The following SLC2A1 variants were observed in gnomAD, a reference collection of about 807,000 sequenced individuals.
The protein encoded by SLC2A1 is solute carrier family 2, facilitated glucose transporter member 1.
In SLC2A1, 4 loss-of-function variants were observed where a neutral mutation model predicts 46.6. That is an observed-to-expected ratio of 0.09 (90% CI 0.04 to 0.20). The LOEUF (loss-of-function observed/expected upper bound fraction) is 0.20. Among genes scored for constraint, SLC2A1 ranks in the 10% least tolerant of loss-of-function variants. SLC2A1 has a pLI of 1.00. For missense variants in SLC2A1, 352 were observed against 667.0 expected (o/e 0.53, Z 5.20); for synonymous variants, 253 against 270.0 (o/e 0.94, Z 0.62).
At position 42,929,488 on chromosome 1, in the gene SLC2A1, T is replaced by C; in HGVS notation, c.867+105A>G. 1 of 1,266,004 alleles carries C rather than the reference T, an allele frequency of 7.9e-7. No individual in the cohort carries two copies. Among genetic ancestry groups the C allele is most frequent in the Non-Finnish European group, 1.1e-6 (1 of 870,898 alleles). 78.4% of individuals were successfully genotyped at this position (1,266,004 alleles called of 1,614,324 possible). Reference sequence around the variant, plus strand: ...GGCTTGGGGTCTAAAGGGAAACTTCTTCGGCAGAGGCGTATCTGTTGTTTC... The same window carrying C: ...GGCTTGGGGTCTAAAGGGAAACTTCCTCGGCAGAGGCGTATCTGTTGTTTC... On this transcript the variant is annotated intron_variant, in intron 6 of 9. Coordinates refer to ENST00000426263, the MANE Select transcript of SLC2A1 (RefSeq NM_006516.4). The surrounding 1 kb of genome is among the most constrained non-coding windows in gnomAD (Gnocchi z 6.0).
chr1:42,948,651 G>C (rs1643683378), intron 1 of SLC2A1, among the ~76,000 whole-genome samples: 1 of 152,212 alleles, frequency 6.6e-6, no homozygotes, highest in African/African-American at 2.4e-5. Context: ...CCTCAAGGCT[G>C]GGCGCGGTGG....
rs1643428058 is a variant in SLC2A1 at position 42,926,537 on chromosome 1, T to C, written c.*504A>G. 5 of 336,628 alleles carry C rather than the reference T, an allele frequency of 1.5e-5. No homozygotes were observed. Among genetic ancestry groups the C allele is most frequent in the South Asian group, 1.4e-4 (5 of 35,686 alleles). 20.9% of individuals were successfully genotyped at this position (336,628 alleles called of 1,614,324 possible). ...AGAGATGGGAAGGGGCAAATCCTAATGGAGCCTGACCCCTAGAGTGGGGAG... is the reference window on the plus strand; with the variant it reads ...AGAGATGGGAAGGGGCAAATCCTAACGGAGCCTGACCCCTAGAGTGGGGAG... On this transcript the variant is annotated 3_prime_UTR_variant, in exon 10 of 10. Coordinates refer to ENST00000426263, the MANE Select transcript of SLC2A1 (RefSeq NM_006516.4).
chr1:42,958,848 TG>T lies in SLC2A1; in HGVS notation c.-198del. 1 of 572,144 alleles carries T rather than the reference TG, an allele frequency of 1.7e-6. No homozygotes were observed. The highest frequency in any genetic ancestry group is 3.2e-5 in the East Asian group (1 of 30,834). The allele number at this position is 572,144 out of a possible 1,614,324, so 35.4% of individuals were successfully genotyped here. ...CGCGACTAGCGACCGGCACGCTCGC[TG>T]TTGCTACCTCTTGCCTCTTGCCAGA... On this transcript the variant is annotated 5_prime_UTR_variant, in exon 1 of 10. Transcript: ENST00000426263.
Position 42,929,869 on chromosome 1 carries a change from G to A in SLC2A1, c.679+4C>T, listed in dbSNP as rs139492241. On this transcript the variant is annotated splice_donor_region_variant and intron_variant, in intron 5 of 9. Transcript: ENST00000426263. This position sits in a 1 kb window ranked among gnomAD's most constrained non-coding sequence, Gnocchi z 6.0. ...TGGGGAGGAGGGCAGGGCCATGCCC[G>A]TACCACTCTTGGCCCGGTTCTCCTC... 242 of 1,614,152 alleles carry A rather than the reference G, an allele frequency of 1.5e-4. 1 individual carries two copies. The African/African-American group carries it at 2.1e-3, about 14-fold the overall frequency.
intron 1 of SLC2A1, chr1:42,951,958 A>C (rs1643725908): frequency 5.0e-6 from 2 of 403,868 alleles, no homozygotes; most frequent in Non-Finnish European, 8.7e-6. Context: ...TTACACTGGA[A>C]TTCATCCTTA....
Position 42,927,454 on chromosome 1 carries a change from T to A in SLC2A1, c.1278+151A>T. On this transcript the variant is annotated intron_variant, in intron 9 of 9. Coordinates refer to ENST00000426263, the MANE Select transcript of SLC2A1 (RefSeq NM_006516.4). This position sits in a 1 kb window ranked among gnomAD's most constrained non-coding sequence, Gnocchi z 5.3. ...CAAGGCTAAGGGGAGAACCCTGGAGTTGAGGTCAGCATTCTTGGTCATGTG... is the reference window on the plus strand; with the variant it reads ...CAAGGCTAAGGGGAGAACCCTGGAGATGAGGTCAGCATTCTTGGTCATGTG... 1 of 856,800 alleles carries A rather than the reference T, an allele frequency of 1.2e-6. No homozygotes were observed. The highest frequency in any genetic ancestry group is 1.9e-6 in the Non-Finnish European group (1 of 519,882). The allele number at this position is 856,800 out of a possible 1,614,324, so 53.1% of individuals were successfully genotyped here. A position where few individuals can be genotyped will look rare whatever the true frequency, so the allele number is the denominator to read the frequency against.
intron 1 of SLC2A1, among the ~76,000 whole-genome samples, chr1:42,955,309 A>G (rs572231762): frequency 6.6e-6 from 1 of 152,314 alleles, no homozygotes; most frequent in South Asian, 2.1e-4. Context: ...AAAACCACAT[A>G]TGCAAACATC....
chr1:42,941,097 A>ACGGCAACTTTCTTGATGGTTT (rs1167145299), intron 2 of SLC2A1, among the ~76,000 whole-genome samples: 11 of 152,180 alleles, frequency 7.2e-5, no homozygotes, highest in Non-Finnish European at 1.5e-4. Context: ...CACTAGTCCA[A>ACGGCAACTTTCTTGATGGTTT]CGGCAACTTT....
At chr1:42,956,641 G>A (rs531946292) in intron 1 of SLC2A1, among the ~76,000 whole-genome samples, 7 of 152,122 alleles carry the variant, frequency 4.6e-5, no homozygotes, top group South Asian at 2.1e-4. Flanking sequence ...CACTGTGAAA[G>A]AGGTGTTCCA....
chr1:42,928,057 C>T (rs191315806), intron 8 of SLC2A1, among the ~76,000 whole-genome samples: 52 of 152,290 alleles, frequency 3.4e-4, no homozygotes, highest in Admixed American at 9.2e-4. Context: ...TGCATGTGGA[C>T]GGTGCTAAGA....
In SLC2A1 at chr1:42,954,666, C is replaced by G. The variant is rs1373336249; in HGVS notation, c.18+3968G>C. Among the ~76,000 whole-genome samples, 2 of 152,218 alleles carry G rather than the reference C, an allele frequency of 1.3e-5. No homozygotes were observed. Among genetic ancestry groups the G allele is most frequent in the Non-Finnish European group, 2.9e-5 (2 of 68,036 alleles). On this transcript the variant is annotated intron_variant, in intron 1 of 9. Transcript: ENST00000426263. This position sits in a 1 kb window ranked among gnomAD's most constrained non-coding sequence, Gnocchi z 4.2. ...GCTGGGCCATGGCTGGAAGGCCCCT[C>G]CTGCTCTGGGTTCCTTCCACCCTCT...
intron 2 of SLC2A1, among the ~76,000 whole-genome samples, chr1:42,939,102 GGGTTGGCCAGAT>G (rs1211426649): frequency 6.6e-6 from 1 of 152,266 alleles, no homozygotes; most frequent in African/African-American, 2.4e-5. Flanking sequence ...CTGAATGAAA[GGGTTGGCCAGAT>G]GGAATCTCTG....
chr1:42,951,598 A>G, intron 1 of SLC2A1: 2 of 372,932 alleles, frequency 5.4e-6, no homozygotes, highest in Middle Eastern at 6.8e-4. Context: ...GGTAAACACC[A>G]AACTGTCAAA....
At chr1:42,946,193 C>T (rs1456000009) in intron 1 of SLC2A1, among the ~76,000 whole-genome samples, 1 of 152,160 alleles carries the variant, frequency 6.6e-6, no homozygotes, top group East Asian at 1.9e-4. Context: ...TGCTGGAGGC[C>T]AAGGACATAC....
Position 42,929,831 on chromosome 1 carries a change from A to G in SLC2A1, c.679+42T>C. ...GGTGGCTCAGAGTGGGAAGAAGGCC[A>G]GGGCTCAGGGAGTGGGGAGGAGGGC... On this transcript the variant is annotated intron_variant, in intron 5 of 9. Transcript: ENST00000426263. This position sits in a 1 kb window ranked among gnomAD's most constrained non-coding sequence, Gnocchi z 6.0. 2.5e-6 allele frequency: 4 copies of G among 1,614,152 alleles called. No individual in the cohort carries two copies. Among genetic ancestry groups the G allele is most frequent in the Non-Finnish European group, 3.4e-6 (4 of 1,180,004 alleles).
intron 2 of SLC2A1, among the ~76,000 whole-genome samples, chr1:42,936,792 G>A (rs1006216862): frequency 2.0e-5 from 3 of 152,034 alleles, no homozygotes; most frequent in South Asian, 4.1e-4. Flanking sequence ...TCCCTCATAC[G>A]ACCTAGACAC....
intron 2 of SLC2A1, among the ~76,000 whole-genome samples, chr1:42,935,759 A>G (rs957144208): frequency 6.6e-6 from 1 of 152,194 alleles, no homozygotes; most frequent in Non-Finnish European, 1.5e-5. Flanking sequence ...AGGGGAAGGA[A>G]GAGCTTTATA....
chr1:42,940,005 C>CCCTCCCTT (rs1643580451), intron 2 of SLC2A1, among the ~76,000 whole-genome samples: 1 of 151,836 alleles, frequency 6.6e-6, no homozygotes, highest in African/African-American at 2.4e-5. Flanking sequence ...CAAAGGCAGC[C>CCCTCCCTT]CCTCCCTTCT....
chr1:42,928,134 G>C (rs1238495598), intron 8 of SLC2A1, among the ~76,000 whole-genome samples: 1 of 152,218 alleles, frequency 6.6e-6, no homozygotes, highest in African/African-American at 2.4e-5. Flanking sequence ...AACATTCCTG[G>C]GGGTGGGGTG....
Sources: allele counts gnomAD v4.1 joint callset (sites outside exome capture counted in the v4.1 genomes callset), GRCh38; gene constraint gnomAD v4.1.1; non-coding constraint Gnocchi (gnomAD v3.1); transcripts MANE v1.5; gene names NCBI Gene and HGNC (gene_info 2026-07-23, HGNC 2026-07-21).